The following DMD variants were observed in gnomAD, a reference collection of about 807,000 sequenced individuals.
DMD encodes the protein dystrophin, also known as mutant dystrophin.
In DMD, 63 loss-of-function variants were observed where a neutral mutation model predicts 330.1. The observed-to-expected ratio is 0.19, with a 90% CI of 0.16 to 0.24. The LOEUF (loss-of-function observed/expected upper bound fraction) is 0.24, where lower values mean the gene tolerates loss of function less well. Among genes scored for constraint, DMD ranks in the 10% least tolerant of loss-of-function variants. DMD has a pLI of 1.00. For synonymous variants in DMD, 1,223 were observed against 959.8 expected (o/e 1.27, Z -5.07); for missense variants, 3,344 against 2,684.1 (o/e 1.25, Z -5.43).
Position 32,390,074 on chromosome X carries a change from T to G in DMD, c.4341A>C (p.Ala1447=), listed in dbSNP as rs1461224758. ...TAGTTTCTGAAATAACATATACCTGTGCAACATCAATCTGAGACAGGACTC... is the reference window on the plus strand; with the variant it reads ...TAGTTTCTGAAATAACATATACCTGGGCAACATCAATCTGAGACAGGACTC... The part of the protein sequence containing the change: ...AQRVLSQIDV[A]QKKLQDVSMK... The change falls in exon 31 of 79, where the codon GCA becomes GCC. Residue 1447 remains alanine (A), a synonymous_variant. Coordinates refer to ENST00000357033, the MANE Select transcript of DMD (RefSeq NM_004006.3). 6 of 1,200,573 alleles carry G rather than the reference T, an allele frequency of 5.0e-6. No individual in the cohort carries two copies. Among genetic ancestry groups the G allele is most frequent in the Non-Finnish European group, 6.8e-6 (6 of 885,456 alleles).
At chrX:32,695,035 C>A (rs2063546845) in intron 9 of DMD, among the ~76,000 whole-genome samples, 1 of 112,178 alleles carries the variant, frequency 8.9e-6, no homozygotes, top group Non-Finnish European at 1.9e-5. Context: ...TACTTTCAGA[C>A]ACAGATTGTT....
At chrX:32,763,790 T>C (rs996597631) in intron 7 of DMD, among the ~76,000 whole-genome samples, 1 of 111,523 alleles carries the variant, frequency 9.0e-6, no homozygotes, top group Non-Finnish European at 1.9e-5. Context: ...CTCTATTGAC[T>C]TTTCCAAAAG....
rs756865075 is a variant in DMD at position 32,842,813 on chromosome X, TA to T, written c.264+1969del. ...TGCTGTATATGTACCAAATTATTAT[TA>T]TTTTTTTTTTTGATATGGAATCTCG... On this transcript the variant is annotated intron_variant, in intron 4 of 78. Coordinates refer to ENST00000357033, the MANE Select transcript of DMD (RefSeq NM_004006.3). Among the ~76,000 whole-genome samples, 6 of 92,690 alleles carry T rather than the reference TA, an allele frequency of 6.5e-5. No homozygotes were observed. The South Asian group carries it at 2.0e-3, about 31-fold the overall frequency. 80.5% of individuals were successfully genotyped at this position (92,690 alleles called of 115,157 possible).
At chrX:32,047,392 A>G (rs1325001141) in intron 44 of DMD, among the ~76,000 whole-genome samples, 1 of 111,858 alleles carries the variant, frequency 8.9e-6, no homozygotes, top group Non-Finnish European at 1.9e-5. Context: ...ATAAGTTCAC[A>G]TCTTATTATT....
At chrX:32,763,187 T>C (rs950680454) in intron 7 of DMD, among the ~76,000 whole-genome samples, 4 of 112,046 alleles carry the variant, frequency 3.6e-5, no homozygotes, top group Non-Finnish European at 5.6e-5. Context: ...ATTTCTATAA[T>C]GATCATGCTA....
In DMD at chrX:32,551,653, G is replaced by T. The variant is rs538721416; in HGVS notation, c.1993-6319C>A. ...TCCTAGCCAAAGCAATCAGGAAAGA[G>T]AAATAAAGGCAATCCAAATAGGAAG... is the stretch of plus-strand genomic sequence containing the variant. On this transcript the variant is annotated intron_variant, in intron 16 of 78. Transcript: ENST00000357033. Among the ~76,000 whole-genome samples, 23 of 111,523 alleles carry T rather than the reference G, an allele frequency of 2.1e-4. No homozygotes were observed. The South Asian group carries it at 7.8e-3, about 38-fold the overall frequency.
chrX:32,226,321 T>G (rs1169340480), intron 43 of DMD, among the ~76,000 whole-genome samples: 1 of 112,032 alleles, frequency 8.9e-6, no homozygotes, highest in Non-Finnish European at 1.9e-5. Flanking sequence ...CCTTTTGCTG[T>G]ATTTTAGAAT....
chrX:31,904,139 T>C (rs763200256), intron 47 of DMD, among the ~76,000 whole-genome samples: 15 of 111,733 alleles, frequency 1.3e-4, no homozygotes, highest in Admixed American at 3.8e-4. Flanking sequence ...TTAAAGTTTA[T>C]GACAACATAG....
rs1297527991 is a variant in DMD, at chrX:31,543,035, G to A, written c.8218-35582C>T. 2.7e-5 allele frequency among the ~76,000 whole-genome samples: 3 copies of A among 112,437 alleles called. No homozygotes were observed. In the East Asian group the frequency reaches 8.3e-4, roughly 31 times the overall value. ...GAGTCAAAGGACATGGGACGCCTCC[G>A]TGTGCAGTCCTCTAGCTCATTCCCC... On this transcript the variant is annotated intron_variant, in intron 55 of 78. Transcript: ENST00000357033.
chrX:31,904,395 T>C (rs1295021774), intron 47 of DMD, among the ~76,000 whole-genome samples: 1 of 111,203 alleles, frequency 9.0e-6, no homozygotes, highest in African/African-American at 3.3e-5. Context: ...CCTTTAATAA[T>C]TTCCTCCCCT....
intron 2 of DMD, among the ~76,000 whole-genome samples, chrX:33,009,223 T>C (rs1292851752): frequency 3.7e-5 from 1 of 27,199 alleles, no homozygotes; most frequent in African/African-American, 1.6e-4. Flanking sequence ...CATATGTGCA[T>C]ATATGTGTAT....
intron 62 of DMD, among the ~76,000 whole-genome samples, chrX:31,273,750 G>A (rs1262131885): frequency 1.8e-5 from 2 of 111,361 alleles, no homozygotes; most frequent in Non-Finnish European, 3.8e-5. Context: ...TTCAGCAAGC[G>A]TAGCTGTGTA....
intron 9 of DMD, among the ~76,000 whole-genome samples, chrX:32,670,138 G>A (rs2061543761): frequency 9.0e-6 from 1 of 111,428 alleles, no homozygotes; most frequent in Admixed American, 9.6e-5. Flanking sequence ...GGTCCCAGAG[G>A]ATTTATATGA....
intron 61 of DMD, among the ~76,000 whole-genome samples, chrX:31,329,769 G>A (rs775442630): frequency 2.7e-5 from 3 of 109,141 alleles, no homozygotes; most frequent in South Asian, 4.0e-4. Flanking sequence ...TCAAGAGATC[G>A]AGACCATCCT....
At chrX:31,292,899 AC>A (rs2053810363) in intron 62 of DMD, among the ~76,000 whole-genome samples, 1 of 110,731 alleles carries the variant, frequency 9.0e-6, no homozygotes, top group Non-Finnish European at 1.9e-5. Flanking sequence ...AACAGGCAAA[AC>A]TCAACCATAG....
At position 31,478,114 on chromosome X, in the gene DMD, T is replaced by C. The variant is rs1234431569; in HGVS notation, c.8929A>G (p.Lys2977Glu). The C allele has an allele frequency of 8.3e-7, 1 of 1,210,330 alleles. No individual in the cohort carries two copies. Among genetic ancestry groups the C allele is most frequent in the South Asian group, 1.8e-5 (1 of 56,573 alleles). Residue 2977 changes from lysine (K) to glutamate (E), a missense_variant, in exon 59 of 79, where the codon AAA (lysine) becomes GAA (glutamate). Lys to Glu is a moderately conservative substitution (Grantham distance 56). Coordinates refer to ENST00000357033, the MANE Select transcript of DMD (RefSeq NM_004006.3). ...AAAGAAGTAGACGGTACCTTGACTT[T>C]CTCGAGGTGATCTTGGAGAGAGTCA... ...LIDSLQDHLE[K>E]VKALRGEIAP...
At chrX:32,392,759 TCTA>T (rs2098013124) in intron 30 of DMD, among the ~76,000 whole-genome samples, 3 of 112,552 alleles carry the variant, frequency 2.7e-5, no homozygotes, top group Non-Finnish European at 5.6e-5. Context: ...AGCTTCCACG[TCTA>T]TCTTTTTAGA....
At chrX:32,559,446 T>A (rs1315750965) in intron 16 of DMD, among the ~76,000 whole-genome samples, 1 of 111,572 alleles carries the variant, frequency 9.0e-6, no homozygotes, top group Admixed American at 9.6e-5. Flanking sequence ...CGTGGAGAGC[T>A]TTCAGGAAGC....
chrX:33,127,948 C>A (rs999831373), intron 1 of DMD: 12 of 875,645 alleles, frequency 1.4e-5, no homozygotes, highest in Non-Finnish European at 1.8e-5. Flanking sequence ...TGGTGTCAAA[C>A]CCCTTTCTTC....
Sources: gnomAD v4.1 joint callset for allele counts (sites outside exome capture counted in the v4.1 genomes callset) on GRCh38, gnomAD v4.1.1 for gene constraint, MANE v1.5 for transcripts, NCBI Gene and HGNC (gene_info 2026-07-23, HGNC 2026-07-21) for gene names.